The following CHN1 variants were observed in gnomAD, a reference collection of about 807,000 sequenced individuals.
CHN1 encodes N-chimaerin.
A neutral mutation model predicts 59.5 loss-of-function variants in CHN1; 37 were observed. The observed-to-expected ratio is 0.62, with a 90% confidence interval of 0.48 to 0.82. The LOEUF (loss-of-function observed/expected upper bound fraction) is 0.82. Ranked by LOEUF, CHN1 falls within the 40% of genes least tolerant of loss-of-function variation. CHN1 has a pLI of 0.00. For missense variants in CHN1, 469 were observed against 571.0 expected (o/e 0.82, Z 1.82); for synonymous variants, 206 against 200.4 (o/e 1.03, Z -0.24).
At chr2:174,903,146 A>T (rs1688443185) in intron 5 of CHN1, among the ~76,000 whole-genome samples, 1 of 152,336 alleles carries the variant, frequency 6.6e-6, no homozygotes, top group Non-Finnish European at 1.5e-5. Context: ...CAGAACACAG[A>T]TGAGTCCTTT....
At chr2:174,804,260 T>C (rs1438752936) in intron 11 of CHN1, among the ~76,000 whole-genome samples, 3 of 152,012 alleles carry the variant, frequency 2.0e-5, no homozygotes, top group Non-Finnish European at 4.4e-5. Context: ...AGTACGCCTA[T>C]AATGTTTGAG....
At chr2:174,982,306 T>C (rs1369717868) in intron 1 of CHN1, among the ~76,000 whole-genome samples, 1 of 152,200 alleles carries the variant, frequency 6.6e-6, no homozygotes, top group Non-Finnish European at 1.5e-5. Flanking sequence ...CCTTTGGGTA[T>C]ATACCCAGTA....
Position 174,944,947 on chromosome 2 carries a change from T to C in CHN1, c.59-4A>G. The stretch of plus-strand genomic sequence containing the variant: ...GCTTCCTGTTGTAGCTGATATACTG[T>C]GAGAAGGTAGAAACAAAAAGTGTCA... On this transcript the variant is annotated splice_region_variant and splice_polypyrimidine_tract_variant and intron_variant, in intron 2 of 12. Coordinates refer to ENST00000409900, the MANE Select transcript of CHN1 (RefSeq NM_001822.7). 1.3e-6 allele frequency: 2 copies of C among 1,567,184 alleles called. No homozygotes were observed. Among genetic ancestry groups the C allele is most frequent in the African/African-American group, 1.3e-5 (1 of 74,110 alleles).
chr2:174,930,541 T>TG (rs921467313), intron 3 of CHN1, among the ~76,000 whole-genome samples: 1 of 152,012 alleles, frequency 6.6e-6, no homozygotes, highest in African/African-American at 2.4e-5. Flanking sequence ...GTATGGGGGT[T>TG]GGGGGGCAAG....
intron 3 of CHN1, among the ~76,000 whole-genome samples, chr2:174,926,090 A>G (rs924603342): frequency 1.1e-4 from 16 of 152,230 alleles, no homozygotes; most frequent in African/African-American, 3.9e-4. Context: ...ACAATATAGG[A>G]ATTCAATAAA....
chr2:174,815,589 CT>C (rs5836474), intron 8 of CHN1, among the ~76,000 whole-genome samples: 14,350 of 127,412 alleles, frequency 0.11, 2,199 homozygotes, highest in African/African-American at 0.37. Context: ...CGGATATTTC[CT>C]TTTTTTTTTT....
chr2:174,826,422 G>C lies in CHN1; in HGVS notation c.628-1904C>G, dbSNP rs544969296. ...CATGAAACAGCAACAGAATTGTGAA[G>C]CTACTTTTAGAGAAAGTCTTTGGGA... On this transcript the variant is annotated intron_variant, in intron 7 of 12. Coordinates refer to ENST00000409900, the MANE Select transcript of CHN1 (RefSeq NM_001822.7). Among the ~76,000 whole-genome samples the C allele has an allele frequency of 1.4e-4, 22 of 152,310 alleles. No individual in the cohort carries two copies. The South Asian group carries it at 4.6e-3, about 32-fold the overall frequency.
At chr2:174,840,622 T>C (rs76659603) in intron 7 of CHN1, among the ~76,000 whole-genome samples, 64 of 152,264 alleles carry the variant, frequency 4.2e-4, no homozygotes, top group Non-Finnish European at 8.5e-4. Context: ...AACAGCTGCT[T>C]GATAAATACT....
intron 7 of CHN1, among the ~76,000 whole-genome samples, chr2:174,840,345 T>G (rs1018712407): frequency 5.9e-5 from 9 of 151,872 alleles, no homozygotes; most frequent in Admixed American, 4.6e-4. Context: ...TTTAAATTTT[T>G]TGTAAAGACA....
intron 7 of CHN1, among the ~76,000 whole-genome samples, chr2:174,841,167 G>A (rs1418970954): frequency 1.3e-5 from 2 of 152,114 alleles, no homozygotes; most frequent in South Asian, 2.1e-4. Context: ...GTTTCTTTTC[G>A]GATTATTAGT....
At position 174,870,124 on chromosome 2, in the gene CHN1, G is replaced by A. The variant is rs537924961; in HGVS notation, c.549+7716C>T. On this transcript the variant is annotated intron_variant, in intron 6 of 12. Coordinates refer to ENST00000409900, the MANE Select transcript of CHN1 (RefSeq NM_001822.7). The stretch of plus-strand genomic sequence containing the variant: ...GCATTTAGTGAATGTTCACTGAATG[G>A]TGTTAGAAGCTAACGAAATGAAGGA... 2.0e-5 allele frequency among the ~76,000 whole-genome samples: 3 copies of A among 152,290 alleles called. No homozygotes were observed. In the East Asian group the frequency reaches 5.8e-4, roughly 29 times the overall value.
At chr2:174,836,951 G>T (rs1217720719) in intron 7 of CHN1, among the ~76,000 whole-genome samples, 2 of 152,190 alleles carry the variant, frequency 1.3e-5, no homozygotes, top group Non-Finnish European at 2.9e-5. Flanking sequence ...AATGAAGAAA[G>T]AGTTGGGAAA....
At chr2:174,816,477 C>T (rs1685270443) in intron 8 of CHN1, among the ~76,000 whole-genome samples, 1 of 152,310 alleles carries the variant, frequency 6.6e-6, no homozygotes, top group South Asian at 2.1e-4. Context: ...TTCTGTGCTG[C>T]TGGGCTGCCC....
intron 5 of CHN1, among the ~76,000 whole-genome samples, chr2:174,892,565 C>G (rs1295490313): frequency 1.3e-5 from 2 of 152,174 alleles, no homozygotes; most frequent in Non-Finnish European, 2.9e-5. Flanking sequence ...TATTTTGTTA[C>G]AGCAGCACAA....
chr2:175,004,905 A>G lies in CHN1; in HGVS notation c.8T>C (p.Leu3Pro), dbSNP rs1435503499. MA[L>P]TLFDTDEYRP... ...ACGGCTGCACTTACCAAACAGGGTC[A>G]GGGCCATTGTAAAGGCGCTCGCCGC... The change falls in exon 1 of 13, where the codon CTG becomes CCG. Residue 3 changes from leucine (L) to proline (P), a missense_variant. Around this residue, in one of 5 missense-constraint regions of CHN1, gnomAD observed 152 missense variants for 166.1 expected, o/e 0.92. Transcript: ENST00000409900. 2.0e-6 allele frequency: 3 copies of G among 1,521,712 alleles called. No homozygotes were observed. In the African/African-American group the frequency reaches 4.3e-5, roughly 22 times the overall value. 94.3% of individuals were successfully genotyped at this position (1,521,712 alleles called of 1,614,324 possible). A position where few individuals can be genotyped will look rare whatever the true frequency, so the allele number is the denominator to read the frequency against.
chr2:174,983,715 C>T (rs1166632048), intron 1 of CHN1, among the ~76,000 whole-genome samples: 5 of 152,128 alleles, frequency 3.3e-5, no homozygotes, highest in Non-Finnish European at 5.9e-5. Context: ...GTAGTCCCAG[C>T]TGCTCGGGAG....
chr2:174,928,448 C>T (rs942545399), intron 3 of CHN1, among the ~76,000 whole-genome samples: 8 of 151,954 alleles, frequency 5.3e-5, no homozygotes, highest in African/African-American at 9.7e-5. Context: ...AAAATAAACA[C>T]GTTAAAAGTT....
At chr2:174,823,719 G>C (rs987620123) in intron 8 of CHN1, among the ~76,000 whole-genome samples, 1 of 151,890 alleles carries the variant, frequency 6.6e-6, no homozygotes, top group Non-Finnish European at 1.5e-5. Flanking sequence ...ATTCAGTATA[G>C]TTGCTCTATA....
intron 7 of CHN1, among the ~76,000 whole-genome samples, chr2:174,835,394 T>C (rs902323493): frequency 6.6e-6 from 1 of 152,196 alleles, no homozygotes; most frequent in Non-Finnish European, 1.5e-5. Flanking sequence ...GTTTAGTGTT[T>C]AGTGTTCACT....
Sources: allele counts gnomAD v4.1 joint callset (sites outside exome capture counted in the v4.1 genomes callset), GRCh38; gene constraint gnomAD v4.1.1; regional missense constraint gnomAD v4.1.1; transcripts MANE v1.5; gene names NCBI Gene and HGNC (gene_info 2026-07-23, HGNC 2026-07-21).